The following SGPP2 variants were observed in gnomAD, a reference collection of about 807,000 sequenced individuals.
SGPP2 encodes sphingosine-1-phosphate phosphatase 2.
A neutral mutation model predicts 33.9 loss-of-function variants in SGPP2; 30 were observed. The observed-to-expected ratio is 0.89, with a 90% confidence interval of 0.66 to 1.20. The LOEUF is 1.20. SGPP2 is among the 50% of genes most tolerant of loss of function. The pLI is 0.00. For synonymous variants in SGPP2, 233 were observed against 225.0 expected, an observed-to-expected ratio of 1.04 and a Z score of -0.32; for missense variants, 458 against 532.1, an observed-to-expected ratio of 0.86 and a Z score of 1.37.
At chr2:222,537,588 G>A (rs913112236) in intron 4 of SGPP2, among the ~76,000 whole-genome samples, 1 of 152,210 alleles carries the variant, frequency 6.6e-6, no homozygotes, top group African/African-American at 2.4e-5. Context: ...AGGTTGATGA[G>A]GGGCTATGAG....
intron 2 of SGPP2, among the ~76,000 whole-genome samples, chr2:222,516,859 A>G (rs192156081): frequency 1.3e-5 from 2 of 152,344 alleles, no homozygotes; most frequent in East Asian, 1.9e-4. Context: ...TCTACGTGCC[A>G]GGTACTATAC....
chr2:222,464,064 C>G (rs1697706900), intron 1 of SGPP2, among the ~76,000 whole-genome samples: 1 of 152,160 alleles, frequency 6.6e-6, no homozygotes, highest in South Asian at 2.1e-4. Context: ...TTCCAAGTAT[C>G]ATTTCGATAA....
At chr2:222,475,875 A>T (rs542043537) in intron 2 of SGPP2, among the ~76,000 whole-genome samples, 22 of 152,298 alleles carry the variant, frequency 1.4e-4, no homozygotes, top group Non-Finnish European at 2.8e-4. Context: ...TACCTTCCTC[A>T]TTTGTAAAAT....
At chr2:222,435,883 T>G (rs1455847817) in intron 1 of SGPP2, among the ~76,000 whole-genome samples, 2 of 152,234 alleles carry the variant, frequency 1.3e-5, no homozygotes, top group Non-Finnish European at 2.9e-5. Context: ...CAGCAAGCAC[T>G]TCAGCAGGTC....
chr2:222,486,603 G>C (rs1029350690), intron 2 of SGPP2, among the ~76,000 whole-genome samples: 8 of 152,296 alleles, frequency 5.3e-5, no homozygotes, highest in Admixed American at 2.0e-4. Flanking sequence ...TACAGGTCCT[G>C]ACTACATGCT....
At chr2:222,506,009 G>A (rs2395872) in intron 2 of SGPP2, among the ~76,000 whole-genome samples, 135,776 of 151,668 alleles carry the variant, frequency 0.9, 61,196 homozygotes, top group East Asian at 1. Context: ...TATATATGAC[G>A]CCAGTCACAG....
chr2:222,488,411 A>G (rs566363648), intron 2 of SGPP2, among the ~76,000 whole-genome samples: 2 of 152,258 alleles, frequency 1.3e-5, no homozygotes, highest in Non-Finnish European at 2.9e-5. Flanking sequence ...TGAACTGTGC[A>G]TGCAAGGGAT....
At chr2:222,447,564 T>C (rs1317913077) in intron 1 of SGPP2, among the ~76,000 whole-genome samples, 1 of 152,218 alleles carries the variant, frequency 6.6e-6, no homozygotes, top group Non-Finnish European at 1.5e-5. Flanking sequence ...AGAGTGATTG[T>C]TGCAGAACCA....
At chr2:222,503,879 T>G in intron 2 of SGPP2, 1 of 152,200 alleles carries the variant, frequency 6.6e-6, no homozygotes, top group South Asian at 2.1e-4. Context: ...CTCTTACACC[T>G]CAGAGGTCAC....
intron 2 of SGPP2, among the ~76,000 whole-genome samples, chr2:222,513,208 G>C (rs569707373): frequency 6.6e-6 from 1 of 152,214 alleles, no homozygotes; most frequent in East Asian, 1.9e-4. Flanking sequence ...GTTTTAAGTT[G>C]GAATTCCCTA....
chr2:222,530,316 G>A (rs1028709981), intron 4 of SGPP2, among the ~76,000 whole-genome samples: 9 of 152,198 alleles, frequency 5.9e-5, no homozygotes, highest in Non-Finnish European at 1.3e-4. Context: ...GCCAGACATT[G>A]ACTTCTGTCT....
At chr2:222,459,233 G>A (rs890777016) in intron 1 of SGPP2, among the ~76,000 whole-genome samples, 3 of 140,308 alleles carry the variant, frequency 2.1e-5, no homozygotes, top group Admixed American at 7.8e-5. Flanking sequence ...TGCAGCCTAC[G>A]CATCCCAGGC....
intron 3 of SGPP2, among the ~76,000 whole-genome samples, chr2:222,522,633 A>T (rs1698702808): frequency 6.6e-6 from 1 of 152,154 alleles, no homozygotes; most frequent in South Asian, 2.1e-4. Flanking sequence ...TCTTATGTTT[A>T]ATTTTATAAG....
chr2:222,424,487 C>A, upstream of SGPP2: 1 of 680,066 alleles, frequency 1.5e-6, no homozygotes, highest in Non-Finnish European at 1.9e-6. Flanking sequence ...GGGGCCCCGC[C>A]CGCCCGGCCT....
intron 2 of SGPP2, among the ~76,000 whole-genome samples, chr2:222,491,242 C>A (rs1698192829): frequency 6.6e-6 from 1 of 152,078 alleles, no homozygotes; most frequent in Non-Finnish European, 1.5e-5. Context: ...TCAAGAAATC[C>A]CCCTGCCTCA....
At chr2:222,446,763 C>T (rs1189298791) in intron 1 of SGPP2, among the ~76,000 whole-genome samples, 1 of 152,116 alleles carries the variant, frequency 6.6e-6, no homozygotes, top group Non-Finnish European at 1.5e-5. Context: ...AACAGATTGA[C>T]AGGAATCAAA....
chr2:222,488,527 G>A (rs1698146800), intron 2 of SGPP2, among the ~76,000 whole-genome samples: 1 of 152,176 alleles, frequency 6.6e-6, no homozygotes, highest in South Asian at 2.1e-4. Flanking sequence ...CAGAAAAATT[G>A]TCTTCCATAA....
Position 222,558,982 on chromosome 2 carries a change from T to C in SGPP2, c.*84T>C. Reference sequence around the variant, plus strand: ...TTGGTAGGCAAATCTTGACAACTTATTTTTCTTTAACAACAACAAAAAGTC... The same window carrying C: ...TTGGTAGGCAAATCTTGACAACTTACTTTTCTTTAACAACAACAAAAAGTC... On this transcript the variant is annotated 3_prime_UTR_variant, in exon 5 of 5. Coordinates refer to ENST00000321276, the MANE Select transcript of SGPP2 (RefSeq NM_152386.4). 7.2e-7 allele frequency: 1 copy of C among 1,388,770 alleles called. No individual in the cohort carries two copies. The allele number at this position is 1,388,770 out of a possible 1,614,324, so 86.0% of individuals were successfully genotyped here.
intron 1 of SGPP2, among the ~76,000 whole-genome samples, chr2:222,469,525 A>G (rs12464550): frequency 0.013 from 1,945 of 152,328 alleles, 38 homozygotes; most frequent in African/African-American, 0.044. Context: ...AAAGTCTGCC[A>G]TCAAAGCCTA....
Sources: allele counts gnomAD v4.1 joint callset (sites outside exome capture counted in the v4.1 genomes callset), GRCh38; gene constraint gnomAD v4.1.1; transcripts MANE v1.5; gene names NCBI Gene and HGNC (gene_info 2026-07-23, HGNC 2026-07-21).